TLL1: variants seen among roughly 807,000 people sequenced by gnomAD.
The protein encoded by TLL1 is tolloid-like protein 1.
A neutral mutation model predicts 128.2 loss-of-function variants in TLL1; 49 were observed. That is an observed-to-expected ratio of 0.38 (90% CI 0.30 to 0.48). TLL1 has a LOEUF of 0.48. Among genes scored for constraint, TLL1 ranks in the 20% least tolerant of loss-of-function variants. The pLI, the probability that TLL1 is intolerant of heterozygous loss-of-function variation, is 0.96. For missense variants in TLL1, 1,123 were observed against 1,242.0 expected, an observed-to-expected ratio of 0.90 and a Z score of 1.44; for synonymous variants, 454 against 418.8, an observed-to-expected ratio of 1.08 and a Z score of -1.03.
At chr4:165,948,272 A>T (rs1340881203) in intron 1 of TLL1, among the ~76,000 whole-genome samples, 1 of 152,110 alleles carries the variant, frequency 6.6e-6, no homozygotes, top group Non-Finnish European at 1.5e-5. Context: ...CTTTAATTTC[A>T]CAGGTCCACA....
In TLL1 at chr4:165,923,421, C is replaced by CTTTTTTTTTTT. The variant is rs758162016; in HGVS notation, c.169+49363_169+49373dup. Among the ~76,000 whole-genome samples the CTTTTTTTTTTT allele has an allele frequency of 2.5e-4, 18 of 70,846 alleles. 4 individuals carry two copies. In the East Asian group the frequency reaches 3.2e-3, roughly 13 times the overall value. The allele number at this position is 70,846 out of a possible 152,430, so 46.5% of individuals were successfully genotyped here. A position where few individuals can be genotyped will look rare whatever the true frequency, so the allele number is the denominator to read the frequency against. On this transcript the variant is annotated intron_variant, in intron 1 of 20. Coordinates refer to ENST00000061240, the MANE Select transcript of TLL1 (RefSeq NM_012464.5). ...AAGTGCATCGGAAATATAGGTATACCTTTTTTTTTTTTTTTTTTTTTTTTT... is the reference window on the plus strand; with the variant it reads ...AAGTGCATCGGAAATATAGGTATACCTTTTTTTTTTTTTTTTTTTTTTTTTTTTTTTTTTTT...
At chr4:166,004,393 A>T (rs988891273) in intron 6 of TLL1, among the ~76,000 whole-genome samples, 3 of 152,140 alleles carry the variant, frequency 2.0e-5, no homozygotes, top group African/African-American at 7.2e-5. Flanking sequence ...TTTGCTCATT[A>T]TATATTTGAT....
intron 9 of TLL1, chr4:166,030,631 A>G (rs1356358834): frequency 5.6e-6 from 4 of 711,268 alleles, no homozygotes; most frequent in African/African-American, 5.5e-5. Flanking sequence ...TGAGTTCTAT[A>G]GTTTTACAGT....
chr4:165,878,903 A>G (rs542041568), intron 1 of TLL1, among the ~76,000 whole-genome samples: 2 of 123,252 alleles, frequency 1.6e-5, no homozygotes, highest in East Asian at 4.6e-4. Flanking sequence ...TTTCCCTCTT[A>G]CCCTGATGAT....
At chr4:165,889,054 T>C (rs1368582631) in intron 1 of TLL1, among the ~76,000 whole-genome samples, 1 of 152,206 alleles carries the variant, frequency 6.6e-6, no homozygotes, top group Non-Finnish European at 1.5e-5. Context: ...TATTGATACA[T>C]TCAGGGCTTT....
intron 1 of TLL1, among the ~76,000 whole-genome samples, chr4:165,949,854 A>C (rs1734425610): frequency 6.6e-6 from 1 of 152,180 alleles, no homozygotes; most frequent in Non-Finnish European, 1.5e-5. Context: ...GACACAGCCA[A>C]ATTATATCAA....
intron 9 of TLL1, chr4:166,030,519 A>G: frequency 3.3e-6 from 2 of 608,736 alleles, no homozygotes; most frequent in East Asian, 2.9e-5. Flanking sequence ...ATGTCATACC[A>G]CTTGTCTACT....
chr4:166,101,347 AG>A lies in TLL1; in HGVS notation c.*473del, dbSNP rs1742279008. 1 of 178,208 alleles carries A rather than the reference AG, an allele frequency of 5.6e-6. No individual in the cohort carries two copies. The highest frequency in any genetic ancestry group is 1.2e-5 in the Non-Finnish European group (1 of 84,132). 11.0% of individuals were successfully genotyped at this position (178,208 alleles called of 1,614,324 possible). A position where few individuals can be genotyped will look rare whatever the true frequency, so the allele number is the denominator to read the frequency against. On this transcript the variant is annotated 3_prime_UTR_variant, in exon 21 of 21. Coordinates refer to ENST00000061240, the MANE Select transcript of TLL1 (RefSeq NM_012464.5). ...ATACAGTGTAAACCAGATCCATATA[AG>A]GTGAATGTGAAATGGGAGTCTTCTG...
intron 1 of TLL1, among the ~76,000 whole-genome samples, chr4:165,986,909 T>A (rs537251664): frequency 6.6e-6 from 1 of 152,232 alleles, no homozygotes; most frequent in South Asian, 2.1e-4. Flanking sequence ...CTTAGTTGAG[T>A]GCCTCCGTTT....
chr4:166,026,540 A>G (rs546998289), intron 9 of TLL1, among the ~76,000 whole-genome samples: 80 of 152,314 alleles, frequency 5.3e-4, no homozygotes, highest in African/African-American at 1.9e-3. Context: ...TACAAAAATT[A>G]GCTGGGCATG....
intron 8 of TLL1, among the ~76,000 whole-genome samples, chr4:166,020,016 T>C (rs1243392852): frequency 1.3e-5 from 2 of 152,108 alleles, no homozygotes; most frequent in South Asian, 2.1e-4. Context: ...TTGCCATTTC[T>C]TGCTCTTGGC....
At chr4:165,995,293 G>A (rs1372323634) in intron 5 of TLL1, 115 bp downstream of exon 5, 1 of 839,700 alleles carries the variant, frequency 1.2e-6, no homozygotes, top group Admixed American at 1.9e-5. Flanking sequence ...TTGGCCATGA[G>A]AAAGTCTGGA....
chr4:165,943,609 T>C (rs1257046696), intron 1 of TLL1, among the ~76,000 whole-genome samples: 1 of 152,108 alleles, frequency 6.6e-6, no homozygotes, highest in African/African-American at 2.4e-5. Flanking sequence ...GTCTGAGTTC[T>C]AGCTGTGGTT....
chr4:165,999,745 A>G (rs1291445132), intron 5 of TLL1, among the ~76,000 whole-genome samples: 1 of 151,958 alleles, frequency 6.6e-6, no homozygotes, highest in African/African-American at 2.4e-5. Context: ...AATTTCTAGG[A>G]TTACAAGCAT....
At chr4:165,915,700 T>A (rs2110879716) in intron 1 of TLL1, among the ~76,000 whole-genome samples, 1 of 152,280 alleles carries the variant, frequency 6.6e-6, no homozygotes. Context: ...CAGCTTATGT[T>A]AAGGTCAGAG....
chr4:166,036,259 A>G (rs1738993039), intron 9 of TLL1, among the ~76,000 whole-genome samples: 1 of 151,688 alleles, frequency 6.6e-6, no homozygotes, highest in South Asian at 2.1e-4. Flanking sequence ...ACTCTCCAGC[A>G]TTGGAAAACA....
chr4:165,900,174 T>C (rs894260998), intron 1 of TLL1, among the ~76,000 whole-genome samples: 4 of 152,060 alleles, frequency 2.6e-5, no homozygotes, highest in Non-Finnish European at 4.4e-5. Flanking sequence ...CCGATGGGTC[T>C]TGACTCTTTA....
chr4:165,951,384 C>T (rs6812849), intron 1 of TLL1, among the ~76,000 whole-genome samples: 3 of 152,014 alleles, frequency 2.0e-5, no homozygotes, highest in Non-Finnish European at 4.4e-5. Context: ...GGGGAATCTT[C>T]GACTCAGACT....
chr4:165,883,976 T>A (rs1281179749), intron 1 of TLL1, among the ~76,000 whole-genome samples: 4 of 152,332 alleles, frequency 2.6e-5, no homozygotes, highest in African/African-American at 9.6e-5. Context: ...TAATTTCTGG[T>A]TCAGATTTTG....
Sources: allele counts gnomAD v4.1 joint callset (sites outside exome capture counted in the v4.1 genomes callset), GRCh38; gene constraint gnomAD v4.1.1; transcripts MANE v1.5; gene names NCBI Gene and HGNC (gene_info 2026-07-23, HGNC 2026-07-21).